Variants in THAP9 observed in about 807,000 individuals in gnomAD.
THAP9 encodes THAP domain containing 9, also known as DNA transposase THAP9.
Under a neutral mutation model 35.7 loss-of-function variants are expected in THAP9, and 20 were observed. The ratio of observed to expected loss-of-function variants is 0.56; its 90% CI spans 0.39 to 0.81. The LOEUF is 0.81. Ranked by LOEUF, THAP9 falls within the 40% of genes least tolerant of loss-of-function variation. The pLI is 0.00. For synonymous variants in THAP9, 335 were observed against 373.7 expected (o/e 0.90, Z 1.19); for missense variants, 870 against 1,047.4 (o/e 0.83, Z 2.34).
Position 82,907,876 on chromosome 4 carries a change from C to G in THAP9, c.672C>G (p.Ser224Arg), listed in dbSNP as rs1560694182. Residue 224 changes from serine (S) to arginine (R), a missense_variant, in exon 4 of 5, where the codon AGC becomes AGG. Physicochemically the swap from Ser to Arg is moderately radical, Grantham distance 110. Coordinates refer to ENST00000302236, the MANE Select transcript of THAP9 (RefSeq NM_024672.6). ...CATGTACACTCTACTTGTGCAGTAG[C>G]AAAGTCTATGATTATGTAAGAAAGA... ...QFACTLYLCS[S>R]KVYDYVRKIL... 2 of 1,611,926 alleles carry G rather than the reference C, an allele frequency of 1.2e-6. No homozygotes were observed. Among genetic ancestry groups the G allele is most frequent in the East Asian group, 2.2e-5 (1 of 44,734 alleles).
chr4:82,916,054 T>C (rs1721023632), intron 4 of THAP9, among the ~76,000 whole-genome samples: 1 of 152,242 alleles, frequency 6.6e-6, no homozygotes, highest in African/African-American at 2.4e-5. Context: ...AGAGGTCAGC[T>C]GTCCAGGAAG....
At chr4:82,905,008 C>A in intron 2 of THAP9, 77 bp downstream of exon 2, 1 of 1,387,972 alleles carries the variant, frequency 7.2e-7, no homozygotes, top group Non-Finnish European at 9.8e-7. Context: ...CCCATTATAG[C>A]TAGAATTTGC....
rs985259868 is a variant in THAP9 at position 82,907,943 on chromosome 4, A to T, written c.731+8A>T. 6.2e-7 allele frequency: 1 copy of T among 1,604,494 alleles called. No homozygotes were observed. Among genetic ancestry groups the T allele is most frequent in the Non-Finnish European group, 8.5e-7 (1 of 1,177,444 alleles). On this transcript the variant is annotated splice_region_variant and intron_variant, in intron 4 of 4. Coordinates refer to ENST00000302236, the MANE Select transcript of THAP9 (RefSeq NM_024672.6). Reference sequence around the variant, plus strand: ...TTCTTCCATCCTCAGAACGTAAGTGAATTATTTTTTTATTTTTTAAAAGTG... The same window carrying T: ...TTCTTCCATCCTCAGAACGTAAGTGTATTATTTTTTTATTTTTTAAAAGTG...
Position 82,919,032 on chromosome 4 carries a change from T to G in THAP9, c.*108T>G. ...GCGCATTCTGCACAGTGGACAAGTT[T>G]GCAATTCTGACTTATTAAAATTTCA... On this transcript the variant is annotated 3_prime_UTR_variant, in exon 5 of 5. Coordinates refer to ENST00000302236, the MANE Select transcript of THAP9 (RefSeq NM_024672.6). 1 of 893,864 alleles carries G rather than the reference T, an allele frequency of 1.1e-6. No homozygotes were observed. The allele number at this position is 893,864 out of a possible 1,614,324, so 55.4% of individuals were successfully genotyped here.
Position 82,919,658 on chromosome 4 carries a change from C to T in THAP9, c.*734C>T, listed in dbSNP as rs1044669189. ...GGACACTTAGTTTGACTTGAAAGAG[C>T]TCAATGCTCATCGGAAAACAGGGAG... is the stretch of plus-strand genomic sequence containing the variant. On this transcript the variant is annotated 3_prime_UTR_variant, in exon 5 of 5. Transcript: ENST00000302236. The T allele has an allele frequency of 2.0e-5, 3 of 152,150 alleles. No individual in the cohort carries two copies. The highest frequency in any genetic ancestry group is 7.2e-5 in the African/African-American group (3 of 41,422). 9.4% of individuals were successfully genotyped at this position (152,150 alleles called of 1,614,324 possible).
intron 1 of THAP9, chr4:82,901,184 C>T: frequency 3.3e-6 from 2 of 609,458 alleles, no homozygotes; most frequent in Non-Finnish European, 3.1e-6. Flanking sequence ...GTGAGGAGGC[C>T]GAAAGGGAAG....
chr4:82,906,366 A>T lies in THAP9; in HGVS notation c.319A>T (p.Ile107Phe), dbSNP rs1392398269. The change falls in exon 3 of 5, where the codon ATC becomes TTC. Residue 107 changes from isoleucine to phenylalanine, a missense_variant. By Grantham distance (21) the Ile-to-Phe change is conservative. Around this residue, in one of 3 missense-constraint regions of THAP9, gnomAD observed 440 missense variants for 501.2 expected, o/e 0.88. Transcript: ENST00000302236. ...TCTTAAAGGTAAAGCAAGACAAAAA[A>T]TCCTAAAACAACCTCTTCCAGACAA... ...VHLKGKARQK[I>F]LKQPLPDNSQ... 3 of 1,608,482 alleles carry T rather than the reference A, an allele frequency of 1.9e-6. No homozygotes were observed. The highest frequency in any genetic ancestry group is 1.7e-6 in the Non-Finnish European group (2 of 1,177,086).
intron 3 of THAP9, 76 bp from the exon 4 acceptor site, chr4:82,907,709 T>G: frequency 8.9e-7 from 1 of 1,124,472 alleles, no homozygotes; most frequent in Non-Finnish European, 1.2e-6. Flanking sequence ...CCAGTGCATT[T>G]TATATCCAAA....
chr4:82,911,840 G>C (rs1720877763), intron 4 of THAP9, among the ~76,000 whole-genome samples: 1 of 152,166 alleles, frequency 6.6e-6, no homozygotes, highest in East Asian at 1.9e-4. Flanking sequence ...GGAAAAGTAA[G>C]TAACTAGAAA....
intron 4 of THAP9, chr4:82,910,131 T>A (rs1457839401): frequency 1.3e-5 from 2 of 152,162 alleles, no homozygotes; most frequent in African/African-American, 4.8e-5. Flanking sequence ...AGATTAAATC[T>A]TCCTGGTAAT....
At chr4:82,905,785 A>G (rs1720620995) in intron 2 of THAP9, 1 of 443,510 alleles carries the variant, frequency 2.3e-6, no homozygotes, top group African/African-American at 2.0e-5. Context: ...TGGTCCAGGC[A>G]TTGTACTAGG....
chr4:82,911,311 G>T (rs1720856474), intron 4 of THAP9, among the ~76,000 whole-genome samples: 1 of 151,700 alleles, frequency 6.6e-6, no homozygotes, highest in South Asian at 2.1e-4. Flanking sequence ...TGGGGTCTCG[G>T]CTGGGCACAG....
chr4:82,913,322 A>G (rs1163829886), intron 4 of THAP9: 1 of 152,250 alleles, frequency 6.6e-6, no homozygotes, highest in Non-Finnish European at 1.5e-5. Flanking sequence ...TCAGCAGAAC[A>G]TAAGTTGGTT....
chr4:82,918,733 ATC>A lies in THAP9; in HGVS notation c.2523_2524del (p.Ile841MetfsTer8). 6.2e-7 allele frequency: 1 copy of A among 1,613,928 alleles called. No homozygotes were observed. Among genetic ancestry groups the A allele is most frequent in the South Asian group, 1.1e-5 (1 of 91,066 alleles). On this transcript the variant is annotated frameshift_variant, in exon 5 of 5. Transcript: ENST00000302236. LOFTEE classifies it low-confidence loss of function (END_TRUNC). ...HFVKLLKDII[I>X]CFLNIRAKNV... is the part of the protein sequence containing the mutation. The stretch of plus-strand genomic sequence containing the variant: ...TGTCAAGTTGCTAAAGGATATAATA[ATC>A]TGTTTCTTAAATATCAGAGCTAAAA...
At chr4:82,908,358 T>G (rs957379247) in intron 4 of THAP9, among the ~76,000 whole-genome samples, 1 of 152,188 alleles carries the variant, frequency 6.6e-6, no homozygotes, top group Non-Finnish European at 1.5e-5. Flanking sequence ...TTGATCGCCA[T>G]TGGTCTTAGG....
chr4:82,903,093 A>G (rs978146121), intron 1 of THAP9, among the ~76,000 whole-genome samples: 6 of 152,254 alleles, frequency 3.9e-5, no homozygotes, highest in Non-Finnish European at 8.8e-5. Flanking sequence ...TCTAGTAACT[A>G]TGTGTTTTAA....
At position 82,918,222 on chromosome 4, in the gene THAP9, G is replaced by A. The variant is rs376499847; in HGVS notation, c.2010G>A (p.Ala670=). The change falls in exon 5 of 5, where the codon GCG becomes GCA. Residue 670 remains alanine, a synonymous_variant. Coordinates refer to ENST00000302236, the MANE Select transcript of THAP9 (RefSeq NM_024672.6). Reference sequence around the variant, plus strand: ...CAATTGCTCGAAGGAAAGACTTGGCGCTTTGGACAGTTCAACGTCAGTATG... The same window carrying A: ...CAATTGCTCGAAGGAAAGACTTGGCACTTTGGACAGTTCAACGTCAGTATG... ...DISIARRKDL[A]LWTVQRQYGV... 5.9e-5 allele frequency: 95 copies of A among 1,614,070 alleles called. No individual in the cohort carries two copies. The highest frequency in any genetic ancestry group is 2.9e-4 in the South Asian group (26 of 91,092).
Position 82,918,414 on chromosome 4 carries a change from C to T in THAP9, c.2202C>T (p.Asp734=). The change falls in exon 5 of 5, where the codon GAC becomes GAT. Residue 734 remains aspartate, a synonymous_variant. Transcript: ENST00000302236. ...TATCAGCTCTTTTAACTTGTGAGGACTGCATCACTGCACTGTATGCATCGG... is the reference window on the plus strand; with the variant it reads ...TATCAGCTCTTTTAACTTGTGAGGATTGCATCACTGCACTGTATGCATCGG... ...NKLSALLTCE[D]CITALYASDL... 1 of 1,614,174 alleles carries T rather than the reference C, an allele frequency of 6.2e-7. No homozygotes were observed.
chr4:82,907,494 T>G (rs1405862843), intron 3 of THAP9, among the ~76,000 whole-genome samples: 1 of 152,140 alleles, frequency 6.6e-6, no homozygotes, highest in African/African-American at 2.4e-5. Flanking sequence ...GTCCTCATTT[T>G]ATTTTCTTTT....
Sources: gnomAD v4.1 joint callset for allele counts (sites outside exome capture counted in the v4.1 genomes callset) on GRCh38, gnomAD v4.1.1 for gene constraint, gnomAD v4.1.1 regional missense constraint, MANE v1.5 for transcripts, NCBI Gene and HGNC (gene_info 2026-07-23, HGNC 2026-07-21) for gene names.